PBRM1: variants seen among roughly 807,000 people sequenced by gnomAD.
PBRM1 encodes the protein protein polybromo-1.
Under a neutral mutation model 194.5 loss-of-function variants are expected in PBRM1, and 27 were observed. That is an observed-to-expected ratio of 0.14 (90% CI 0.10 to 0.19). PBRM1 has a LOEUF of 0.19. Among genes scored for constraint, PBRM1 ranks in the 10% least tolerant of loss-of-function variants. The probability of loss-of-function intolerance (pLI) is 1.00; values close to 1 mark genes in which losing one functional copy is unlikely to be tolerated. For missense variants in PBRM1, 1,466 were observed against 2,077.2 expected (o/e 0.71, Z 5.72); for synonymous variants, 655 against 693.2 (o/e 0.94, Z 0.87).
intron 22 of PBRM1, among the ~76,000 whole-genome samples, chr3:52,573,837 C>T (rs1378535949): frequency 2.6e-5 from 4 of 152,198 alleles, no homozygotes; most frequent in East Asian, 3.8e-4. Context: ...AACTTACCCT[C>T]ACTCCATTCC....
At chr3:52,612,391 C>G (rs951240213) in intron 15 of PBRM1, among the ~76,000 whole-genome samples, 1 of 151,418 alleles carries the variant, frequency 6.6e-6, no homozygotes. Context: ...TATAAAGTAT[C>G]ACCACCAAGG....
At chr3:52,661,070 G>GT (rs2096714152) in intron 4 of PBRM1, among the ~76,000 whole-genome samples, 1 of 151,810 alleles carries the variant, frequency 6.6e-6, no homozygotes, top group Non-Finnish European at 1.5e-5. Context: ...CTGTCGCCCA[G>GT]TCTGGAGTAC....
intron 13 of PBRM1, among the ~76,000 whole-genome samples, chr3:52,618,845 G>T (rs1027996965): frequency 6.6e-6 from 1 of 152,094 alleles, no homozygotes; most frequent in African/African-American, 2.4e-5. Flanking sequence ...TTCGCCTCCT[G>T]GGTTCAAGCA....
At chr3:52,633,036 T>C (rs2095672608) in intron 11 of PBRM1, among the ~76,000 whole-genome samples, 1 of 152,138 alleles carries the variant, frequency 6.6e-6, no homozygotes, top group East Asian at 1.9e-4. Flanking sequence ...TTTAGTAGTA[T>C]AAAATACTTC....
At chr3:52,579,279 C>T in intron 20 of PBRM1, 80 bp from the exon 23 acceptor site, 2 of 1,323,704 alleles carry the variant, frequency 1.5e-6, no homozygotes, top group Admixed American at 1.8e-5. Flanking sequence ...GCAGACTTTT[C>T]TTTCACATTA....
At chr3:52,631,308 TAA>T (rs200044287) in intron 11 of PBRM1, among the ~76,000 whole-genome samples, 1 of 139,464 alleles carries the variant, frequency 7.2e-6, no homozygotes. Flanking sequence ...CTTTCTCTAT[TAA>T]AAAAAAAAAA....
intron 4 of PBRM1, 41 bp from the exon 6 acceptor site, chr3:52,658,356 T>C (rs759709050): frequency 9.6e-7 from 1 of 1,042,340 alleles, no homozygotes; most frequent in Admixed American, 1.9e-5. Flanking sequence ...AGAGAAATAA[T>C]AAAATGCTGA....
intron 14 of PBRM1, among the ~76,000 whole-genome samples, chr3:52,616,239 C>A (rs755812604): frequency 6.6e-6 from 1 of 152,132 alleles, no homozygotes; most frequent in Non-Finnish European, 1.5e-5. Context: ...ATCCTCAATG[C>A]ATACTTTATT....
chr3:52,555,984 TC>T (rs947667011), intron 26 of PBRM1, among the ~76,000 whole-genome samples: 31 of 152,004 alleles, frequency 2.0e-4, no homozygotes, highest in Admixed American at 7.2e-4. Context: ...AACACAAAGC[TC>T]CCCCCAAAAT....
At chr3:52,607,190 TTAAG>T (rs1476561855) in intron 16 of PBRM1, among the ~76,000 whole-genome samples, 3 of 152,220 alleles carry the variant, frequency 2.0e-5, no homozygotes, top group East Asian at 3.8e-4. Context: ...TCAATTCTTA[TTAAG>T]TACTTATTCT....
exon 27 of PBRM1, chr3:52,554,777 G>A (rs554813783): frequency 1.3e-6 from 2 of 1,582,968 alleles, no homozygotes; most frequent in African/African-American, 1.4e-5. Flanking sequence ...ATGGTGGGGT[G>A]GAGGCCCCCC....
intron 3 of PBRM1, among the ~76,000 whole-genome samples, chr3:52,665,074 G>A (rs1162355848): frequency 1.3e-5 from 2 of 152,022 alleles, no homozygotes; most frequent in Non-Finnish European, 2.9e-5. Context: ...TCATACTGGC[G>A]GATGACTTCT....
chr3:52,643,830 G>A (rs1205704005), intron 8 of PBRM1, among the ~76,000 whole-genome samples: 1 of 151,996 alleles, frequency 6.6e-6, no homozygotes, highest in Non-Finnish European at 1.5e-5. Context: ...AGATTAGCCG[G>A]GCATGGTGGT....
At chr3:52,587,568 CA>C in intron 18 of PBRM1, 58 bp from the exon 21 acceptor site, 16 of 912,694 alleles carry the variant, frequency 1.8e-5, no homozygotes, top group Middle Eastern at 3.0e-4. Flanking sequence ...TAACAGAAAT[CA>C]CTTTTTTTTT....
chr3:52,625,184 C>G lies in PBRM1; in HGVS notation c.1541+2089G>C, dbSNP rs75947971. On this transcript the variant is annotated intron_variant, in intron 13 of 29. Coordinates refer to ENST00000296302, the Ensembl canonical transcript of PBRM1. Reference sequence around the variant, plus strand: ...TTTAGTATTAAAAAAAAGGCGAAGGCAGAATCATACACAGCACTTAGAAGT... The same window carrying G: ...TTTAGTATTAAAAAAAAGGCGAAGGGAGAATCATACACAGCACTTAGAAGT... 6.9e-3 allele frequency among the ~76,000 whole-genome samples: 1,057 copies of G among 152,284 alleles called. 3 individuals are homozygous for G. The highest frequency in any genetic ancestry group is 0.024 in the South Asian group (117 of 4,826).
At chr3:52,598,744 G>C (rs2093754379) in intron 17 of PBRM1, among the ~76,000 whole-genome samples, 1 of 152,162 alleles carries the variant, frequency 6.6e-6, no homozygotes, top group African/African-American at 2.4e-5. Context: ...AATTAGGCCA[G>C]GTGCAGTGGC....
intron 24 of PBRM1, among the ~76,000 whole-genome samples, chr3:52,562,247 A>G (rs1331419850): frequency 6.6e-6 from 1 of 151,556 alleles, no homozygotes; most frequent in Non-Finnish European, 1.5e-5. Context: ...GAATGGCGTG[A>G]ACCCGGGAGA....
At chr3:52,620,632 C>T (rs556060157) in intron 13 of PBRM1, among the ~76,000 whole-genome samples, 3 of 152,248 alleles carry the variant, frequency 2.0e-5, no homozygotes, top group Admixed American at 6.5e-5. Flanking sequence ...GAATGGCAAG[C>T]GGTCCATTCT....
intron 26 of PBRM1, 109 bp downstream of exon 28, chr3:52,558,140 A>G: frequency 1.3e-6 from 1 of 753,942 alleles, no homozygotes. Flanking sequence ...TCAAACTTTG[A>G]ATCTGTCATG....
Sources: gnomAD v4.1 joint callset for allele counts (sites outside exome capture counted in the v4.1 genomes callset) on GRCh38, gnomAD v4.1.1 for gene constraint, MANE v1.5 for transcripts, NCBI Gene and HGNC (gene_info 2026-07-23, HGNC 2026-07-21) for gene names.